The following CD4 variants were observed in gnomAD, a reference collection of about 807,000 sequenced individuals.
The protein encoded by CD4 is CD4 molecule, also known as T-cell surface glycoprotein CD4.
CD4 carries 25 observed loss-of-function variants against 50.5 expected under a neutral mutation model. That is an observed-to-expected ratio of 0.49 (90% CI 0.36 to 0.69). The LOEUF is 0.69. CD4 is among the 30% of genes least tolerant of loss of function. CD4 has a pLI of 0.00. For missense variants in CD4, 456 were observed against 548.5 expected (o/e 0.83, Z 1.68); for synonymous variants, 207 against 221.9 (o/e 0.93, Z 0.60).
chr12:6,805,338 G>A (rs1027754901), intron 3 of CD4, among the ~76,000 whole-genome samples: 6 of 151,824 alleles, frequency 4.0e-5, no homozygotes, highest in Non-Finnish European at 8.8e-5. Context: ...TGAGGCTGGC[G>A]GATCACTTGA....
intron 1 of CD4, among the ~76,000 whole-genome samples, chr12:6,791,046 C>A (rs1046042747): frequency 6.6e-6 from 1 of 152,184 alleles, no homozygotes; most frequent in Non-Finnish European, 1.5e-5. Context: ...CTGAGGACAG[C>A]GTTAGAGACA....
rs1286084112 is a variant in CD4, at chr12:6,798,473, A to ACAGAGTCTTGCTCTGTTGCCCAGGCT, written c.-67-1599_-67-1598insCAGAGTCTTGCTCTGTTGCCCAGGCT. ...ACGTGTGAGGCAAGAACTTTTTAAA[A>ACAGAGTCTTGCTCTGTTGCCCAGGCT]GTGCATCTTGCGCAGCCCTAGATCC... On this transcript the variant is annotated intron_variant, in intron 1 of 9. Transcript: ENST00000011653. 7.5e-3 allele frequency among the ~76,000 whole-genome samples: 958 copies of ACAGAGTCTTGCTCTGTTGCCCAGGCT among 127,254 alleles called. 13 individuals are homozygous for ACAGAGTCTTGCTCTGTTGCCCAGGCT. The highest frequency in any genetic ancestry group is 0.013 in the Non-Finnish European group (703 of 55,564). The allele number at this position is 127,254 out of a possible 152,430, so 83.5% of individuals were successfully genotyped here.
chr12:6,791,404 G>A (rs1295004493), intron 1 of CD4, among the ~76,000 whole-genome samples: 5 of 152,060 alleles, frequency 3.3e-5, no homozygotes, highest in South Asian at 4.1e-4. Context: ...CACCACGCCC[G>A]GCTACTTTTT....
intron 5 of CD4, chr12:6,815,805 C>A (rs1381824907): frequency 1.4e-6 from 2 of 1,461,112 alleles, no homozygotes; most frequent in Non-Finnish European, 9.1e-7. Flanking sequence ...CAGCAAGGAT[C>A]CCCTGTGGCT....
At chr12:6,807,317 A>G (rs1942794534) in intron 3 of CD4, among the ~76,000 whole-genome samples, 3 of 152,244 alleles carry the variant, frequency 2.0e-5, no homozygotes, top group Non-Finnish European at 1.5e-5. Flanking sequence ...GCCAACAATT[A>G]GAAACAATCT....
chr12:6,797,411 G>A (rs1591544467), intron 1 of CD4, among the ~76,000 whole-genome samples: 1 of 152,248 alleles, frequency 6.6e-6, no homozygotes, highest in Middle Eastern at 3.4e-3. Flanking sequence ...TCTGAAGGGG[G>A]CCTGCCCCTC....
At chr12:6,807,067 T>G (rs1555116292) in intron 3 of CD4, among the ~76,000 whole-genome samples, 1 of 152,004 alleles carries the variant, frequency 6.6e-6, no homozygotes, top group African/African-American at 2.4e-5. Context: ...CTCGGGAGGC[T>G]GAGGCAGGAG....
At chr12:6,815,508 G>A (rs1267611488) in intron 5 of CD4, among the ~76,000 whole-genome samples, 2 of 152,164 alleles carry the variant, frequency 1.3e-5, no homozygotes, top group Non-Finnish European at 2.9e-5. Flanking sequence ...CCAGTTTAGT[G>A]CATGTACGCT....
rs201475129 is a variant in CD4, at chr12:6,816,372, G to A, written c.924G>A (p.Leu308=). The A allele has an allele frequency of 5.0e-5, 80 of 1,614,028 alleles. No individual in the cohort carries two copies. The highest frequency in any genetic ancestry group is 1.6e-4 in the Middle Eastern group (1 of 6,084). ...TLALEAKTGK[L]HQEVNLVVMR... ...CCCTTGAAGCGAAAACAGGAAAGTT[G>A]CATCAGGAAGTGAACCTGGTGGTGA... The change falls in exon 6 of 10, where the codon TTG becomes TTA. Residue 308 remains leucine, a synonymous_variant. Coordinates refer to ENST00000011653, the MANE Select transcript of CD4 (RefSeq NM_000616.5). This position sits in a 1 kb window ranked among gnomAD's most constrained non-coding sequence, Gnocchi z 4.9.
At position 6,818,545 on chromosome 12, in the gene CD4, G is replaced by GAGTA; in HGVS notation, c.1278+5_1278+8dup. On this transcript the variant is annotated splice_donor_region_variant and intron_variant, in intron 8 of 9. Coordinates refer to ENST00000011653, the MANE Select transcript of CD4 (RefSeq NM_000616.5). The surrounding 1 kb of genome is among the most constrained non-coding windows in gnomAD (Gnocchi z 5.0). ...GTGTCAGGTGCCGGCACCGAAGGGT[G>GAGTA]AGTAACCCCACACCTGGTCCCCACA... The GAGTA allele has an allele frequency of 1.2e-6, 2 of 1,612,512 alleles. No homozygotes were observed. The highest frequency in any genetic ancestry group is 1.7e-6 in the Non-Finnish European group (2 of 1,180,004).
At chr12:6,803,429 G>T (rs113535005) in intron 3 of CD4, among the ~76,000 whole-genome samples, 141 of 152,032 alleles carry the variant, frequency 9.3e-4, no homozygotes, top group African/African-American at 3.3e-3. Context: ...GATTACAGGT[G>T]TGAGCCACCA....
chr12:6,811,154 C>T (rs1555116923), intron 3 of CD4, among the ~76,000 whole-genome samples: 1 of 152,114 alleles, frequency 6.6e-6, no homozygotes, highest in Admixed American at 6.5e-5. Context: ...GAGGCAGTAC[C>T]AAGCAGGGTG....
chr12:6,813,493 T>A (rs1555117340), intron 3 of CD4: 1 of 152,262 alleles, frequency 6.6e-6, no homozygotes. Context: ...GTAGACTGTT[T>A]AACATCTCGC....
Position 6,800,323 on chromosome 12 carries a change from C to G in CD4, c.66C>G (p.Ala22=). The G allele has an allele frequency of 1.2e-6, 2 of 1,613,914 alleles. No homozygotes were observed. The highest frequency in any genetic ancestry group is 1.7e-6 in the Non-Finnish European group (2 of 1,179,950). ...TCCACTTAGCGCTCCTCCCAGCAGC[C>G]ACTCAGGGAAAGAAAGTGGTGCTGG... is the stretch of plus-strand genomic sequence containing the variant. The part of the protein sequence containing the change: ...LVLQLALLPA[A]TQGKKVVLGK... Residue 22 remains alanine, a synonymous_variant, in exon 3 of 10, where the codon GCC becomes GCG. Transcript: ENST00000011653.
intron 1 of CD4, among the ~76,000 whole-genome samples, chr12:6,797,729 A>T (rs1011353282): frequency 5.3e-5 from 8 of 152,228 alleles, no homozygotes; most frequent in Non-Finnish European, 8.8e-5. Flanking sequence ...TGCTAGATTT[A>T]TGTTTAACTT....
At chr12:6,809,898 T>TTC (rs1942886757) in intron 3 of CD4, among the ~76,000 whole-genome samples, 1 of 143,698 alleles carries the variant, frequency 7.0e-6, no homozygotes, top group East Asian at 2.0e-4. Context: ...CTCTTTTTTT[T>TTC]TTTTTTTTTG....
intron 1 of CD4, among the ~76,000 whole-genome samples, chr12:6,794,891 G>A (rs1050795330): frequency 1.3e-4 from 20 of 150,386 alleles, no homozygotes; most frequent in African/African-American, 4.4e-4. Flanking sequence ...GGTTCTAAGC[G>A]ATTCTCCTGC....
Position 6,818,135 on chromosome 12 carries a change from A to T in CD4, c.1157-286A>T, listed in dbSNP as rs782791680. On this transcript the variant is annotated intron_variant, in intron 7 of 9. Transcript: ENST00000011653. The surrounding 1 kb of genome is among the most constrained non-coding windows in gnomAD (Gnocchi z 5.0). ...ACACATTCACACCATTCACACACGC[A>T]CACACATGCACACACTCACACATGC... is the stretch of plus-strand genomic sequence containing the variant. 5.3e-5 allele frequency among the ~76,000 whole-genome samples: 8 copies of T among 151,954 alleles called. No homozygotes were observed. Among genetic ancestry groups the T allele is most frequent in the Non-Finnish European group, 7.4e-5 (5 of 67,932 alleles).
chr12:6,816,542 T>G lies in CD4; in HGVS notation c.955+139T>G. The G allele has an allele frequency of 1.4e-6, 1 of 725,824 alleles. No homozygotes were observed. The highest frequency in any genetic ancestry group is 2.2e-6 in the Non-Finnish European group (1 of 445,114). 45.0% of individuals were successfully genotyped at this position (725,824 alleles called of 1,614,324 possible). A position where few individuals can be genotyped will look rare whatever the true frequency, so the allele number is the denominator to read the frequency against. On this transcript the variant is annotated intron_variant, in intron 6 of 9. Coordinates refer to ENST00000011653, the MANE Select transcript of CD4 (RefSeq NM_000616.5). This position sits in a 1 kb window ranked among gnomAD's most constrained non-coding sequence, Gnocchi z 4.9. The stretch of plus-strand genomic sequence containing the variant: ...CTGGATGAAGTGAGGGAGGGCCCTC[T>G]GGGTTTGGGGCTGGTTTTGAACTGA...
Sources: gnomAD v4.1 joint callset for allele counts (sites outside exome capture counted in the v4.1 genomes callset) on GRCh38, gnomAD v4.1.1 for gene constraint, Gnocchi (gnomAD v3.1) non-coding constraint, MANE v1.5 for transcripts, NCBI Gene and HGNC (gene_info 2026-07-23, HGNC 2026-07-21) for gene names.